CCSER1: variants seen among roughly 807,000 people sequenced by gnomAD.
CCSER1 encodes coiled-coil serine rich protein 1.
CCSER1 carries 41 observed loss-of-function variants against 82.0 expected under a neutral mutation model. The observed-to-expected ratio is 0.50, with a 90% confidence interval of 0.39 to 0.65. The LOEUF (loss-of-function observed/expected upper bound fraction) is 0.65. Among genes scored for constraint, CCSER1 ranks in the 30% least tolerant of loss-of-function variants. The probability of loss-of-function intolerance (pLI) is 0.00; values close to 1 mark genes in which losing one functional copy is unlikely to be tolerated. For missense variants in CCSER1, 1,119 were observed against 1,064.2 expected, an observed-to-expected ratio of 1.05 and a Z score of -0.72; for synonymous variants, 414 against 383.9, an observed-to-expected ratio of 1.08 and a Z score of -0.92.
chr4:90,374,736 G>A (rs1350747054), intron 3 of CCSER1, among the ~76,000 whole-genome samples: 3 of 152,158 alleles, frequency 2.0e-5, no homozygotes, highest in Non-Finnish European at 4.4e-5. Flanking sequence ...TATTTTTTCA[G>A]ATTACAATGC....
At chr4:91,165,230 C>CA (rs1731905939) in intron 10 of CCSER1, among the ~76,000 whole-genome samples, 1 of 152,174 alleles carries the variant, frequency 6.6e-6, no homozygotes, top group Non-Finnish European at 1.5e-5. Flanking sequence ...GAGGTCCACT[C>CA]CAGACCCTGT....
chr4:91,191,177 C>T (rs2149048453), intron 10 of CCSER1, among the ~76,000 whole-genome samples: 1 of 152,258 alleles, frequency 6.6e-6, no homozygotes, highest in East Asian at 1.9e-4. Context: ...CTCTTGCTTT[C>T]CTTTCTTTTC....
intron 1 of CCSER1, among the ~76,000 whole-genome samples, chr4:90,276,253 T>TCTTTCTTTCTTTCTTTCTTC (rs1727680914): frequency 3.8e-4 from 30 of 79,086 alleles, no homozygotes; most frequent in African/African-American, 1.6e-3. Context: ...TTTCTTTCTT[T>TCTTTCTTTCTTTCTTTCTTC]CCTTCCTTCC....
chr4:91,426,786 T>C (rs537870003), intron 10 of CCSER1, among the ~76,000 whole-genome samples: 4 of 152,272 alleles, frequency 2.6e-5, no homozygotes, highest in Admixed American at 2.6e-4. Context: ...TTTTGAAAAG[T>C]AAAACAGACT....
In CCSER1 at chr4:91,313,192, C is replaced by T; in HGVS notation, c.2217+227198C>T. Among the ~76,000 whole-genome samples the T allele has an allele frequency of 2.0e-5, 3 of 151,854 alleles. No homozygotes were observed. In the South Asian group the frequency reaches 6.2e-4, roughly 32 times the overall value. Reference sequence around the variant, plus strand: ...GACATTAAGTACTTAAACATATTTTCTATGCTAACTTATAAATTCAATTAA... The same window carrying T: ...GACATTAAGTACTTAAACATATTTTTTATGCTAACTTATAAATTCAATTAA... On this transcript the variant is annotated intron_variant, in intron 10 of 10. Coordinates refer to ENST00000509176, the MANE Select transcript of CCSER1 (RefSeq NM_001145065.2).
chr4:91,134,888 CA>C (rs1728323244), intron 10 of CCSER1, among the ~76,000 whole-genome samples: 1 of 151,876 alleles, frequency 6.6e-6, no homozygotes, highest in South Asian at 2.1e-4. Flanking sequence ...GGTGAAACCC[CA>C]TCTCTACTAA....
At chr4:91,352,442 T>G (rs1009426889) in intron 10 of CCSER1, among the ~76,000 whole-genome samples, 1 of 152,104 alleles carries the variant, frequency 6.6e-6, no homozygotes, top group Non-Finnish European at 1.5e-5. Context: ...GAGACAGCGT[T>G]TCACTGTGTT....
At chr4:90,895,166 C>T (rs183621298) in intron 8 of CCSER1, among the ~76,000 whole-genome samples, 2 of 151,858 alleles carry the variant, frequency 1.3e-5, no homozygotes, top group East Asian at 3.9e-4. Context: ...TTTAAAATAT[C>T]CTGGCTGTAT....
At chr4:91,457,204 A>G (rs1756228843) in intron 10 of CCSER1, among the ~76,000 whole-genome samples, 1 of 152,196 alleles carries the variant, frequency 6.6e-6, no homozygotes, top group Non-Finnish European at 1.5e-5. Context: ...AGTTTACTGT[A>G]AAGAACATGA....
chr4:91,151,851 A>G (rs575087773), intron 10 of CCSER1, among the ~76,000 whole-genome samples: 1 of 152,072 alleles, frequency 6.6e-6, no homozygotes, highest in African/African-American at 2.4e-5. Context: ...GTTTGTTATA[A>G]TTTCTGTTCT....
intron 1 of CCSER1, among the ~76,000 whole-genome samples, chr4:90,148,736 T>TTTGATCAAAAC (rs1726272077): frequency 6.6e-6 from 1 of 152,204 alleles, no homozygotes; most frequent in Non-Finnish European, 1.5e-5. Flanking sequence ...TCAAATGTTT[T>TTTGATCAAAAC]ACCTATGATG....
intron 1 of CCSER1, among the ~76,000 whole-genome samples, chr4:90,184,433 G>A (rs1734246165): frequency 6.6e-6 from 1 of 152,058 alleles, no homozygotes; most frequent in East Asian, 1.9e-4. Context: ...TTAGAGAGTT[G>A]TACCTAGGTG....
intron 6 of CCSER1, among the ~76,000 whole-genome samples, chr4:90,648,268 G>GAAAGAC (rs796974490): frequency 8.5e-6 from 1 of 117,156 alleles, no homozygotes. Flanking sequence ...AAGAAAGAAA[G>GAAAGAC]AGAGAGAGAA....
At chr4:90,423,960 G>A (rs28534081) in intron 4 of CCSER1, among the ~76,000 whole-genome samples, 2,263 of 150,732 alleles carry the variant, frequency 0.015, 22 homozygotes, top group African/African-American at 0.029. Context: ...GCACAGTGGC[G>A]GGCGCCTGTA....
chr4:90,941,940 G>A (rs139125966), intron 9 of CCSER1, among the ~76,000 whole-genome samples: 17 of 149,474 alleles, frequency 1.1e-4, no homozygotes, highest in African/African-American at 3.2e-4. Flanking sequence ...TTTTTTTTTC[G>A]TTTGTTTGTT....
chr4:90,154,182 A>G (rs1323288706), intron 1 of CCSER1, among the ~76,000 whole-genome samples: 1 of 151,778 alleles, frequency 6.6e-6, no homozygotes, highest in East Asian at 1.9e-4. Context: ...AAGATCAGAT[A>G]GTTTTAGATA....
intron 7 of CCSER1, among the ~76,000 whole-genome samples, chr4:90,776,993 G>A (rs1366263489): frequency 6.6e-6 from 1 of 152,198 alleles, no homozygotes; most frequent in African/African-American, 2.4e-5. Context: ...CACTCAGAAG[G>A]TATTTGTTGA....
At chr4:90,792,176 A>C (rs1459172730) in intron 7 of CCSER1, among the ~76,000 whole-genome samples, 4 of 152,096 alleles carry the variant, frequency 2.6e-5, no homozygotes, top group Non-Finnish European at 5.9e-5. Flanking sequence ...CACAATGTTG[A>C]CATCTCTGCT....
intron 10 of CCSER1, among the ~76,000 whole-genome samples, chr4:91,196,194 A>G (rs1735420542): frequency 6.6e-6 from 1 of 151,904 alleles, no homozygotes. Context: ...AAAAAAAAAA[A>G]AAAGACAAAG....
Sources: gnomAD v4.1 joint callset for allele counts (sites outside exome capture counted in the v4.1 genomes callset) on GRCh38, gnomAD v4.1.1 for gene constraint, MANE v1.5 for transcripts, NCBI Gene and HGNC (gene_info 2026-07-23, HGNC 2026-07-21) for gene names.